The following HBEGF variants were observed in gnomAD, a reference collection of about 807,000 sequenced individuals.
HBEGF encodes the protein heparin binding EGF like growth factor, also known as proheparin-binding EGF-like growth factor.
Under a neutral mutation model 19.5 loss-of-function variants are expected in HBEGF, and 8 were observed. The observed-to-expected ratio is 0.41, with a 90% CI of 0.24 to 0.74. The LOEUF (loss-of-function observed/expected upper bound fraction) is 0.74, where lower values mean the gene tolerates loss of function less well. Ranked by LOEUF, HBEGF falls within the 30% of genes least tolerant of loss-of-function variation. The pLI is 0.32. For missense variants in HBEGF, 207 were observed against 256.9 expected (o/e 0.81, Z 1.33); for synonymous variants, 97 against 108.9 (o/e 0.89, Z 0.68).
rs142631482 is a variant in HBEGF, at chr5:140,346,078, G to C, written c.53C>G (p.Ser18Trp). Residue 18 changes from serine (S) to tryptophan (W), a missense_variant, in exon 2 of 6, where the codon TCG becomes TGG. By Grantham distance (177) the Ser-to-Trp change is radical (BLOSUM62 -3). Coordinates refer to ENST00000230990, the MANE Select transcript of HBEGF (RefSeq NM_001945.3). This position sits in a 1 kb window ranked among gnomAD's most constrained non-coding sequence, Gnocchi z 6.1. ...CAGGCTCTCGCCAGTCACCAGTGCC[G>C]AGAGAACTGCGGGCGAGAGGCCAGG... ...VLKLFLAAVLSALVTGESLER... is the reference protein window; with the variant it reads ...VLKLFLAAVLWALVTGESLER... 2.2e-5 allele frequency: 35 copies of C among 1,611,936 alleles called. No homozygotes were observed. In the African/African-American group the frequency reaches 3.6e-4, roughly 17 times the overall value.
At chr5:140,335,750 G>C in intron 4 of HBEGF, 122 bp downstream of exon 4, 1 of 1,060,658 alleles carries the variant, frequency 9.4e-7, no homozygotes, top group Non-Finnish European at 1.4e-6. Context: ...TCTACACCCC[G>C]GAGCTAGCCC....
At chr5:140,340,398 G>A (rs4150222) in intron 3 of HBEGF, among the ~76,000 whole-genome samples, 23,184 of 151,714 alleles carry the variant, frequency 0.15, 2,304 homozygotes, top group South Asian at 0.25. Context: ...TGGCCAACAC[G>A]GCAAAACTAC....
intron 4 of HBEGF, 74 bp downstream of exon 4, chr5:140,335,798 C>T (rs1292750568): frequency 4.7e-6 from 7 of 1,500,176 alleles, no homozygotes; most frequent in Non-Finnish European, 6.4e-6. Flanking sequence ...ATGTGACCAT[C>T]AAGGAGAGGG....
intron 3 of HBEGF, among the ~76,000 whole-genome samples, chr5:140,341,745 C>G (rs4150216): frequency 0.31 from 46,984 of 152,120 alleles, 7,774 homozygotes; most frequent in African/African-American, 0.41. Context: ...CCCAGAGCCT[C>G]CCTCCCCACA....
chr5:140,339,940 G>A (rs1766283014), intron 3 of HBEGF, among the ~76,000 whole-genome samples: 1 of 152,156 alleles, frequency 6.6e-6, no homozygotes, highest in Non-Finnish European at 1.5e-5. Flanking sequence ...TTTCTGCCCT[G>A]AGTAGCAAGG....
intron 3 of HBEGF, among the ~76,000 whole-genome samples, chr5:140,342,087 G>C (rs1283001793): frequency 6.6e-6 from 1 of 152,164 alleles, no homozygotes; most frequent in Non-Finnish European, 1.5e-5. Context: ...GTCCTTGCTG[G>C]GATAAGGAAG....
intron 2 of HBEGF, among the ~76,000 whole-genome samples, chr5:140,344,276 A>C (rs1766359964): frequency 6.6e-6 from 1 of 151,846 alleles, no homozygotes. Context: ...TGCCTCACAC[A>C]CTCCCATCTC....
At chr5:140,340,579 T>G (rs1766293375) in intron 3 of HBEGF, among the ~76,000 whole-genome samples, 1 of 66,276 alleles carries the variant, frequency 1.5e-5, no homozygotes, top group African/African-American at 8.1e-5. Context: ...TGAGACTCTG[T>G]CTCAAAAAAA....
Position 140,342,645 on chromosome 5 carries a change from G to T in HBEGF, c.388C>A (p.Pro130Thr). 6.2e-7 allele frequency: 1 copy of T among 1,614,126 alleles called. No homozygotes were observed. Among genetic ancestry groups the T allele is most frequent in the Non-Finnish European group, 8.5e-7 (1 of 1,180,020 alleles). ...GGAAGGGGCACTTACATGCAGGAGGGAGCCCGGAGCTCCTTCACATATTTG... is the reference window on the plus strand; with the variant it reads ...GGAAGGGGCACTTACATGCAGGAGGTAGCCCGGAGCTCCTTCACATATTTG... ...ECKYVKELRA[P>T]SCICHPGYHG... Residue 130 changes from proline (P) to threonine (T), a missense_variant, in exon 3 of 6, where the codon CCC (proline) becomes ACC (threonine). Physicochemically the swap from Pro to Thr is conservative, Grantham distance 38. Transcript: ENST00000230990.
At chr5:140,334,975 C>T (rs1766205572) in intron 4 of HBEGF, 1 of 592,384 alleles carries the variant, frequency 1.7e-6, no homozygotes, top group Non-Finnish European at 3.0e-6. Context: ...TTACGTGATC[C>T]TCACAACATC....
At position 140,334,053 on chromosome 5, in the gene HBEGF, G is replaced by C. The variant is rs1185833728; in HGVS notation, c.*246C>G. On this transcript the variant is annotated 3_prime_UTR_variant, in exon 6 of 6. Transcript: ENST00000230990. ...AGTGGGGTTTGGTGGAGGGGAATCA[G>C]AAGGGCATGAAGGTCCCTTGCTTTT... 1 of 152,678 alleles carries C rather than the reference G, an allele frequency of 6.5e-6. No homozygotes were observed. The highest frequency in any genetic ancestry group is 1.5e-5 in the Non-Finnish European group (1 of 68,116). The allele number at this position is 152,678 out of a possible 1,614,324, so 9.5% of individuals were successfully genotyped here. A position where few individuals can be genotyped will look rare whatever the true frequency, so the allele number is the denominator to read the frequency against.
chr5:140,344,813 A>G (rs898886517), intron 2 of HBEGF, among the ~76,000 whole-genome samples: 9 of 130,212 alleles, frequency 6.9e-5, no homozygotes, highest in African/African-American at 2.6e-4. Flanking sequence ...GACAGGGAGC[A>G]GTGAGTCAGG....
chr5:140,342,048 C>G (rs1489897934), intron 3 of HBEGF, among the ~76,000 whole-genome samples: 1 of 152,172 alleles, frequency 6.6e-6, no homozygotes, highest in Non-Finnish European at 1.5e-5. Context: ...TGGCCAAAGG[C>G]CAGTACTCTC....
At chr5:140,337,096 G>C (rs925568914) in intron 3 of HBEGF, among the ~76,000 whole-genome samples, 1 of 152,194 alleles carries the variant, frequency 6.6e-6, no homozygotes, top group Admixed American at 6.5e-5. Flanking sequence ...CTCCCAATGT[G>C]CAAGGATTAC....
At chr5:140,343,749 G>A (rs2126719446) in intron 2 of HBEGF, among the ~76,000 whole-genome samples, 1 of 152,310 alleles carries the variant, frequency 6.6e-6, no homozygotes, top group East Asian at 1.9e-4. Context: ...GGAAAAAGGT[G>A]CCCACATCCA....
At chr5:140,337,108 G>T (rs1287444150) in intron 3 of HBEGF, among the ~76,000 whole-genome samples, 1 of 152,102 alleles carries the variant, frequency 6.6e-6, no homozygotes, top group African/African-American at 2.4e-5. Flanking sequence ...AAGGATTACA[G>T]GCATGAGCCA....
intron 3 of HBEGF, among the ~76,000 whole-genome samples, chr5:140,336,828 C>CTTTTTTTT (rs1160533557): frequency 2.3e-4 from 30 of 129,800 alleles, no homozygotes; most frequent in African/African-American, 3.7e-4. Context: ...TTTTCTTTTT[C>CTTTTTTTT]TTTTTTTTTT....
chr5:140,335,853 A>G lies in HBEGF; in HGVS notation c.554+19T>C. ...GGAGTGATTTGCAGAAACAGCCTGC[A>G]GGGGACCCCAACACTCACCTAAACA... On this transcript the variant is annotated intron_variant, in intron 4 of 5. Transcript: ENST00000230990. The G allele has an allele frequency of 6.2e-7, 1 of 1,612,244 alleles. No homozygotes were observed. The highest frequency in any genetic ancestry group is 8.5e-7 in the Non-Finnish European group (1 of 1,179,120).
intron 3 of HBEGF, among the ~76,000 whole-genome samples, chr5:140,337,372 T>G (rs1766244730): frequency 6.6e-6 from 1 of 152,172 alleles, no homozygotes; most frequent in African/African-American, 2.4e-5. Context: ...TGCTGCCCAC[T>G]CACACCTGAC....
Sources: gnomAD v4.1 joint callset for allele counts (sites outside exome capture counted in the v4.1 genomes callset) on GRCh38, gnomAD v4.1.1 for gene constraint, Gnocchi (gnomAD v3.1) non-coding constraint, MANE v1.5 for transcripts, NCBI Gene and HGNC (gene_info 2026-07-23, HGNC 2026-07-21) for gene names.